Variants in SNRK observed in about 807,000 individuals in gnomAD.
SNRK encodes the protein SNF related kinase, also known as SNF-related serine/threonine-protein kinase.
SNRK carries 3 observed loss-of-function variants against 48.2 expected under a neutral mutation model. The ratio of observed to expected loss-of-function variants is 0.06; its 90% confidence interval spans 0.03 to 0.16. The LOEUF is 0.16. Among genes scored for constraint, SNRK ranks in the 10% least tolerant of loss-of-function variants. SNRK has a pLI of 1.00. For missense variants in SNRK, 627 were observed against 976.0 expected, an observed-to-expected ratio of 0.64 and a Z score of 4.76; for synonymous variants, 376 against 366.1, an observed-to-expected ratio of 1.03 and a Z score of -0.31.
At chr3:43,318,852 A>G (rs2091032368) in intron 3 of SNRK, among the ~76,000 whole-genome samples, 1 of 151,900 alleles carries the variant, frequency 6.6e-6, no homozygotes, top group Non-Finnish European at 1.5e-5. Context: ...AGCAGATGAA[A>G]CCCCATCTCT....
chr3:43,339,821 ATATATATATATATATATAT>A (rs1559470340), intron 4 of SNRK, among the ~76,000 whole-genome samples: 70 of 2,622 alleles, frequency 0.027, 1 homozygote, highest in Non-Finnish European at 0.041. Flanking sequence ...TTTCCAAAAT[ATATATATATATATATATAT>A]ATATATATAT....
At chr3:43,302,897 G>A (rs1254158233) in intron 2 of SNRK, among the ~76,000 whole-genome samples, 1 of 151,564 alleles carries the variant, frequency 6.6e-6, no homozygotes, top group Non-Finnish European at 1.5e-5. Context: ...GCAAAAACTT[G>A]ATATGGTATT....
chr3:43,299,455 C>T (rs549342033), intron 1 of SNRK, among the ~76,000 whole-genome samples: 60 of 152,278 alleles, frequency 3.9e-4, no homozygotes, highest in South Asian at 3.9e-3. Flanking sequence ...GGATTACAGG[C>T]GTGAGCCACC....
intron 1 of SNRK, among the ~76,000 whole-genome samples, chr3:43,294,854 T>C (rs967614565): frequency 6.6e-6 from 1 of 152,132 alleles, no homozygotes; most frequent in Non-Finnish European, 1.5e-5. Context: ...AATAAAAGCT[T>C]TAGATCAGAG....
chr3:43,334,135 G>C lies in SNRK; in HGVS notation c.731+1825G>C, dbSNP rs180720413. On this transcript the variant is annotated intron_variant, in intron 4 of 6. Transcript: ENST00000296088. ...CACTCCAGCCTGGGCGACAGAGTGA[G>C]ACTCTGTCTCAAAAAACTAATAATT... Among the ~76,000 whole-genome samples, 226 of 152,132 alleles carry C rather than the reference G, an allele frequency of 1.5e-3. 1 individual carries two copies. The highest frequency in any genetic ancestry group is 2.3e-3 in the East Asian group (12 of 5,174).
chr3:43,318,773 C>T (rs956838001), intron 3 of SNRK, among the ~76,000 whole-genome samples: 9 of 152,094 alleles, frequency 5.9e-5, no homozygotes, highest in South Asian at 2.1e-4. Context: ...TGCCTTTAAT[C>T]GCAGCACTTT....
At chr3:43,293,098 T>G (rs2090825802) in intron 1 of SNRK, among the ~76,000 whole-genome samples, 1 of 152,182 alleles carries the variant, frequency 6.6e-6, no homozygotes, top group South Asian at 2.1e-4. Context: ...TACCTTTCTT[T>G]TCTTTTTCTT....
intron 3 of SNRK, among the ~76,000 whole-genome samples, chr3:43,305,892 A>G (rs2090934076): frequency 6.6e-6 from 1 of 152,214 alleles, no homozygotes; most frequent in South Asian, 2.1e-4. Flanking sequence ...TGAGAGCAAG[A>G]TAGGTTACTT....
chr3:43,331,045 AAC>A (rs1347994914), intron 3 of SNRK, among the ~76,000 whole-genome samples: 1 of 152,244 alleles, frequency 6.6e-6, no homozygotes, highest in Non-Finnish European at 1.5e-5. Context: ...AATAACATGG[AAC>A]CTACATTATT....
chr3:43,347,561 C>T lies in SNRK; in HGVS notation c.1302C>T (p.Pro434=). 1 of 1,613,828 alleles carries T rather than the reference C, an allele frequency of 6.2e-7. No homozygotes were observed. The highest frequency in any genetic ancestry group is 2.2e-5 in the East Asian group (1 of 44,882). ...LSTVPPASLK[P]TASGRKCLFR... Reference sequence around the variant, plus strand: ...CGGTGCCACCCGCAAGCTTAAAACCCACAGCCAGTGGGCGGAAGTGTCTGT... The same window carrying T: ...CGGTGCCACCCGCAAGCTTAAAACCTACAGCCAGTGGGCGGAAGTGTCTGT... The change falls in exon 7 of 7, where the codon CCC becomes CCT. Residue 434 remains proline (P), a synonymous_variant. Transcript: ENST00000296088. The surrounding 1 kb of genome is among the most constrained non-coding windows in gnomAD (Gnocchi z 5.4).
chr3:43,288,689 A>C (rs1365994383), intron 1 of SNRK, among the ~76,000 whole-genome samples: 1 of 152,204 alleles, frequency 6.6e-6, no homozygotes, highest in Non-Finnish European at 1.5e-5. Context: ...TAATCCTAAG[A>C]GCTCTTTACA....
chr3:43,308,107 A>C (rs1437374879), intron 3 of SNRK, among the ~76,000 whole-genome samples: 2 of 152,208 alleles, frequency 1.3e-5, no homozygotes, highest in African/African-American at 2.4e-5. Context: ...AACTCTCTTC[A>C]GTTCTCTGAG....
At chr3:43,338,128 G>C (rs917327646) in intron 4 of SNRK, among the ~76,000 whole-genome samples, 1 of 152,084 alleles carries the variant, frequency 6.6e-6, no homozygotes, top group East Asian at 1.9e-4. Context: ...CTTTTCAAAT[G>C]CCACAAAGTA....
intron 6 of SNRK, among the ~76,000 whole-genome samples, chr3:43,346,195 G>T (rs1390231150): frequency 6.6e-6 from 1 of 152,218 alleles, no homozygotes; most frequent in Non-Finnish European, 1.5e-5. Flanking sequence ...CCACTTCAGA[G>T]AATACTGCTT....
At chr3:43,318,006 T>C (rs553062569) in intron 3 of SNRK, among the ~76,000 whole-genome samples, 18 of 152,318 alleles carry the variant, frequency 1.2e-4, no homozygotes, top group Non-Finnish European at 2.2e-4. Context: ...TGCTGCTGCT[T>C]TGGGAAACGT....
intron 3 of SNRK, among the ~76,000 whole-genome samples, chr3:43,323,061 A>G (rs1003785660): frequency 5.9e-5 from 9 of 152,118 alleles, no homozygotes; most frequent in Admixed American, 2.0e-4. Context: ...GATTTTCAAC[A>G]AAGGTGCTAA....
chr3:43,294,764 A>G (rs1000024042), intron 1 of SNRK, among the ~76,000 whole-genome samples: 16 of 148,358 alleles, frequency 1.1e-4, no homozygotes, highest in Non-Finnish European at 1.9e-4. Context: ...TTTTTTGACC[A>G]TTTTTTAATG....
chr3:43,315,466 G>A (rs1034203002), intron 3 of SNRK, among the ~76,000 whole-genome samples: 1 of 152,120 alleles, frequency 6.6e-6, no homozygotes, highest in Non-Finnish European at 1.5e-5. Context: ...TCTCTTCCCA[G>A]AGGCAGAATT....
At chr3:43,345,614 G>C (rs1371523006) in intron 6 of SNRK, among the ~76,000 whole-genome samples, 1 of 152,196 alleles carries the variant, frequency 6.6e-6, no homozygotes. Flanking sequence ...CTGGAGTCCA[G>C]GGGCAGGGTC....
Sources: gnomAD v4.1 joint callset for allele counts (sites outside exome capture counted in the v4.1 genomes callset) on GRCh38, gnomAD v4.1.1 for gene constraint, Gnocchi (gnomAD v3.1) non-coding constraint, MANE v1.5 for transcripts, NCBI Gene and HGNC (gene_info 2026-07-23, HGNC 2026-07-21) for gene names.